The following GALNT17 variants were observed in gnomAD, a reference collection of about 807,000 sequenced individuals.
GALNT17 encodes polypeptide N-acetylgalactosaminyltransferase 17.
In GALNT17, 29 loss-of-function variants were observed where a neutral mutation model predicts 63.7. The ratio of observed to expected loss-of-function variants is 0.46; its 90% CI spans 0.34 to 0.62. The LOEUF is 0.62. Among genes scored for constraint, GALNT17 ranks in the 20% least tolerant of loss-of-function variants. The probability of loss-of-function intolerance (pLI) is 0.01; values close to 1 mark genes in which losing one functional copy is unlikely to be tolerated. For missense variants in GALNT17, 603 were observed against 799.6 expected, an observed-to-expected ratio of 0.75 and a Z score of 2.97; for synonymous variants, 305 against 318.3, an observed-to-expected ratio of 0.96 and a Z score of 0.45.
At chr7:71,708,563 A>C (rs1007944100) in intron 9 of GALNT17, among the ~76,000 whole-genome samples, 1 of 152,278 alleles carries the variant, frequency 6.6e-6, no homozygotes, top group South Asian at 2.1e-4. Flanking sequence ...GATTCTTTTT[A>C]ATTTCTATTT....
intron 1 of GALNT17, among the ~76,000 whole-genome samples, chr7:71,214,050 T>A (rs1789430160): frequency 6.6e-6 from 1 of 152,254 alleles, no homozygotes; most frequent in South Asian, 2.1e-4. Context: ...CCAAATGTTA[T>A]ATGGCCCTCC....
chr7:71,166,337 A>G (rs897543668), intron 1 of GALNT17, among the ~76,000 whole-genome samples: 5 of 152,226 alleles, frequency 3.3e-5, no homozygotes, highest in African/African-American at 1.2e-4. Flanking sequence ...TTATTTTAAA[A>G]GAGTTTTATT....
At chr7:71,321,919 C>CTTCCTTTCTTCCTTCCTTCCT (rs1791620081) in intron 1 of GALNT17, among the ~76,000 whole-genome samples, 1 of 62,502 alleles carries the variant, frequency 1.6e-5, no homozygotes, top group African/African-American at 5.1e-5. Flanking sequence ...TCCTTCCTTC[C>CTTCCTTTCTTCCTTCCTTCCT]TTCCCCTCCC....
intron 5 of GALNT17, among the ~76,000 whole-genome samples, chr7:71,521,387 G>T (rs1407056369): frequency 1.3e-5 from 2 of 152,216 alleles, no homozygotes; most frequent in African/African-American, 4.8e-5. Flanking sequence ...CCAGCAGGAA[G>T]ACGCCCTTTC....
chr7:71,304,635 A>T (rs1023734285), intron 1 of GALNT17, among the ~76,000 whole-genome samples: 1 of 152,178 alleles, frequency 6.6e-6, no homozygotes, highest in African/African-American at 2.4e-5. Flanking sequence ...TGTCAAGGGG[A>T]TCCCTACAGT....
In GALNT17 at chr7:71,518,627, C is replaced by T. The variant is rs1427157214; in HGVS notation, c.963-52658C>T. On this transcript the variant is annotated intron_variant, in intron 5 of 10. Transcript: ENST00000333538. Reference sequence around the variant, plus strand: ...AGTCACTAGGAAACTTCAGAATAGCCGTATAGATTTTAAAGCAGCTTTCTC... The same window carrying T: ...AGTCACTAGGAAACTTCAGAATAGCTGTATAGATTTTAAAGCAGCTTTCTC... Among the ~76,000 whole-genome samples the T allele has an allele frequency of 3.9e-5, 6 of 152,236 alleles. No individual in the cohort carries two copies. In the East Asian group the frequency reaches 5.8e-4, roughly 15 times the overall value.
At chr7:71,708,169 G>C (rs986888938) in intron 9 of GALNT17, among the ~76,000 whole-genome samples, 2 of 152,168 alleles carry the variant, frequency 1.3e-5, no homozygotes, top group African/African-American at 4.8e-5. Context: ...CCTTCTGATA[G>C]AGTGTATTAG....
intron 1 of GALNT17, among the ~76,000 whole-genome samples, chr7:71,135,159 T>TA (rs1172808237): frequency 6.6e-6 from 1 of 152,126 alleles, no homozygotes; most frequent in African/African-American, 2.4e-5. Flanking sequence ...GCCCCAGTAT[T>TA]AGTTTCAATT....
chr7:71,357,178 A>G (rs890936705), intron 2 of GALNT17, among the ~76,000 whole-genome samples: 16 of 152,134 alleles, frequency 1.1e-4, no homozygotes, highest in African/African-American at 3.6e-4. Flanking sequence ...CCCAACCCAC[A>G]GGCCATGGAC....
intron 2 of GALNT17, among the ~76,000 whole-genome samples, chr7:71,346,010 T>C (rs1792088445): frequency 7.0e-6 from 1 of 142,698 alleles, no homozygotes; most frequent in Non-Finnish European, 1.5e-5. Context: ...CAGTGAGACC[T>C]GTCTCTACTA....
chr7:71,205,684 G>T (rs1789259451), intron 1 of GALNT17, among the ~76,000 whole-genome samples: 1 of 152,038 alleles, frequency 6.6e-6, no homozygotes, highest in African/African-American at 2.4e-5. Context: ...TTGTTTTCTT[G>T]ATTACTTTTT....
rs1791781143 is a variant in GALNT17, at chr7:71,710,810, C to T, written c.1550C>T (p.Thr517Ile). The change falls in exon 10 of 11, where the codon ACC becomes ATC. Residue 517 changes from threonine to isoleucine, a missense_variant. This residue lies in a region of GALNT17 where 336 missense variants were observed against 507.8 expected (regional missense o/e 0.66). Coordinates refer to ENST00000333538, the MANE Select transcript of GALNT17 (RefSeq NM_022479.3). ...EGFLHLGALG[T>I]TTLLPDTRCL... ...TTCCTGCACTTGGGTGCCCTGGGGACCACCACACTCCTCCCTGACACCCGC... is the reference window on the plus strand; with the variant it reads ...TTCCTGCACTTGGGTGCCCTGGGGATCACCACACTCCTCCCTGACACCCGC... 5 of 1,613,472 alleles carry T rather than the reference C, an allele frequency of 3.1e-6. No homozygotes were observed. The highest frequency in any genetic ancestry group is 1.1e-5 in the South Asian group (1 of 91,048).
At chr7:71,530,299 T>C (rs1788695622) in intron 5 of GALNT17, among the ~76,000 whole-genome samples, 1 of 152,150 alleles carries the variant, frequency 6.6e-6, no homozygotes, top group Non-Finnish European at 1.5e-5. Context: ...TAATTGTGAA[T>C]TCATAGTATT....
intron 3 of GALNT17, among the ~76,000 whole-genome samples, chr7:71,411,409 C>T (rs933529141): frequency 8.6e-5 from 13 of 151,916 alleles, no homozygotes; most frequent in South Asian, 2.1e-4. Context: ...AATGAGCCAC[C>T]GTGCCTGGCC....
intron 5 of GALNT17, among the ~76,000 whole-genome samples, chr7:71,466,999 A>G (rs755283983): frequency 1.3e-5 from 2 of 151,976 alleles, no homozygotes; most frequent in Non-Finnish European, 2.9e-5. Flanking sequence ...ATGGCCCTTA[A>G]CCTGGGCAAA....
intron 6 of GALNT17, among the ~76,000 whole-genome samples, chr7:71,573,093 C>G (rs113125065): frequency 6.6e-6 from 1 of 151,732 alleles, no homozygotes; most frequent in Non-Finnish European, 1.5e-5. Flanking sequence ...ACCGCAACCT[C>G]CATCTCCCAG....
In GALNT17 at chr7:71,622,090, C is replaced by T. The variant is rs541113447; in HGVS notation, c.1081-43321C>T. On this transcript the variant is annotated intron_variant, in intron 6 of 10. Transcript: ENST00000333538. ...TACTTTGGAATGGTGGCCCTGCAAC[C>T]GAAGAGGTCAGTGGGCAGGACCACA... 6.2e-4 allele frequency among the ~76,000 whole-genome samples: 95 copies of T among 152,206 alleles called. 1 individual carries two copies. Among genetic ancestry groups the T allele is most frequent in the African/African-American group, 2.2e-3 (91 of 41,508 alleles).
intron 1 of GALNT17, among the ~76,000 whole-genome samples, chr7:71,306,642 T>G (rs559861078): frequency 1.3e-5 from 2 of 152,200 alleles, no homozygotes; most frequent in Non-Finnish European, 2.9e-5. Context: ...TTGCTGTTTT[T>G]GCCATTGAAA....
intron 1 of GALNT17, among the ~76,000 whole-genome samples, chr7:71,191,420 T>C (rs1401448993): frequency 3.3e-5 from 5 of 152,046 alleles, no homozygotes; most frequent in Admixed American, 3.3e-4. Flanking sequence ...AAAATAAATA[T>C]GGTAGACTTG....
Sources: gnomAD v4.1 joint callset for allele counts (sites outside exome capture counted in the v4.1 genomes callset) on GRCh38, gnomAD v4.1.1 for gene constraint, gnomAD v4.1.1 regional missense constraint, MANE v1.5 for transcripts, NCBI Gene and HGNC (gene_info 2026-07-23, HGNC 2026-07-21) for gene names.